The following MSN variants were observed in gnomAD, a reference collection of about 807,000 sequenced individuals.
MSN encodes moesin, also known as epididymis luminal protein 70.
In MSN, 2 loss-of-function variants were observed where a neutral mutation model predicts 48.0. The observed-to-expected ratio is 0.04, with a 90% CI of 0.02 to 0.13. The LOEUF is 0.13. Ranked by LOEUF, MSN falls within the 10% of genes least tolerant of loss-of-function variation. MSN has a pLI of 1.00. For missense variants in MSN, 267 were observed against 470.1 expected, an observed-to-expected ratio of 0.57 and a Z score of 3.99; for synonymous variants, 146 against 166.9, an observed-to-expected ratio of 0.87 and a Z score of 0.97.
chrX:65,696,242 C>CACAT (rs1433176439), intron 1 of MSN, among the ~76,000 whole-genome samples: 23 of 111,138 alleles, frequency 2.1e-4, no homozygotes, highest in African/African-American at 6.9e-4. Flanking sequence ...CACACACACA[C>CACAT]ACACACACAC....
At chrX:65,679,107 C>A (rs908189702) in intron 1 of MSN, among the ~76,000 whole-genome samples, 4 of 111,490 alleles carry the variant, frequency 3.6e-5, no homozygotes, top group African/African-American at 9.8e-5. Context: ...GAGATTCTGG[C>A]TTGGAGAGAC....
At chrX:65,620,315 C>G (rs756897950) in intron 1 of MSN, among the ~76,000 whole-genome samples, 9 of 112,690 alleles carry the variant, frequency 8.0e-5, no homozygotes, top group Admixed American at 7.5e-4. Flanking sequence ...GCCTCGCTGC[C>G]GCCCCGCAGC....
At chrX:65,728,116 G>A (rs1359007724) in intron 3 of MSN, among the ~76,000 whole-genome samples, 1 of 111,414 alleles carries the variant, frequency 9.0e-6, no homozygotes, top group Non-Finnish European at 1.9e-5. Context: ...TTCTAACAGC[G>A]ACAATGGCCA....
At chrX:65,680,926 T>C (rs900489138) in intron 1 of MSN, among the ~76,000 whole-genome samples, 1 of 109,926 alleles carries the variant, frequency 9.1e-6, no homozygotes, top group East Asian at 2.9e-4. Context: ...TTTTTGTATT[T>C]TTTTAGTAGA....
intron 1 of MSN, among the ~76,000 whole-genome samples, chrX:65,713,708 A>C (rs1436342132): frequency 2.7e-5 from 3 of 112,056 alleles, no homozygotes; most frequent in Non-Finnish European, 5.6e-5. Flanking sequence ...TGTACAGATC[A>C]TTTTATCACC....
chrX:65,686,550 A>G (rs1464042443), intron 1 of MSN, among the ~76,000 whole-genome samples: 1 of 112,899 alleles, frequency 8.9e-6, no homozygotes, highest in African/African-American at 3.2e-5. Flanking sequence ...AGGAAATGAC[A>G]TTTTAAATAA....
At chrX:65,684,243 A>G (rs985713247) in intron 1 of MSN, among the ~76,000 whole-genome samples, 1 of 110,563 alleles carries the variant, frequency 9.0e-6, no homozygotes, top group African/African-American at 3.3e-5. Context: ...CGCCCAGCCC[A>G]TAGACTCTTT....
chrX:65,622,520 T>G (rs1178240743), intron 1 of MSN, among the ~76,000 whole-genome samples: 2 of 101,234 alleles, frequency 2.0e-5, no homozygotes, highest in Non-Finnish European at 4.0e-5. Context: ...GTTTTTTTTT[T>G]TTTTTTTTTT....
intron 1 of MSN, among the ~76,000 whole-genome samples, chrX:65,707,045 G>A (rs2071368743): frequency 8.9e-6 from 1 of 111,743 alleles, no homozygotes; most frequent in Non-Finnish European, 1.9e-5. Context: ...CCCTTTTGCT[G>A]TAGCTGGGCT....
chrX:65,620,901 G>A (rs1290925729), intron 1 of MSN, among the ~76,000 whole-genome samples: 7 of 103,288 alleles, frequency 6.8e-5, no homozygotes, highest in African/African-American at 1.8e-4. Context: ...TACAGTTTTA[G>A]GTCTTATATT....
intron 1 of MSN, among the ~76,000 whole-genome samples, chrX:65,604,702 G>A (rs773631098): frequency 1.1e-3 from 121 of 111,621 alleles, no homozygotes; most frequent in Non-Finnish European, 2.0e-3. Flanking sequence ...CAGAACCTGG[G>A]GATCACCTCT....
chrX:65,668,591 G>T (rs985321045), intron 1 of MSN, among the ~76,000 whole-genome samples: 10 of 111,360 alleles, frequency 9.0e-5, no homozygotes, highest in East Asian at 2.8e-4. Context: ...GTGTGGTGTG[G>T]GTTTTCTCGT....
At chrX:65,653,700 G>A (rs2070758862) in intron 1 of MSN, among the ~76,000 whole-genome samples, 2 of 109,762 alleles carry the variant, frequency 1.8e-5, no homozygotes, top group South Asian at 7.9e-4. Flanking sequence ...AGGCACATCT[G>A]GGGGCCCAGG....
chrX:65,628,063 G>A (rs1178942355), intron 1 of MSN, among the ~76,000 whole-genome samples: 1 of 112,516 alleles, frequency 8.9e-6, no homozygotes, highest in African/African-American at 3.2e-5. Context: ...TTGTGGCTTT[G>A]CAGGGTACAG....
intron 1 of MSN, among the ~76,000 whole-genome samples, chrX:65,669,201 G>T (rs1425571083): frequency 7.2e-5 from 8 of 110,920 alleles, no homozygotes; most frequent in Non-Finnish European, 1.5e-4. Context: ...CCTAGTCCCC[G>T]CCCCCAAAGA....
chrX:65,598,821 TC>T (rs1235719103), intron 1 of MSN, among the ~76,000 whole-genome samples: 1 of 111,915 alleles, frequency 8.9e-6, no homozygotes, highest in Non-Finnish European at 1.9e-5. Context: ...TTTGCCCTCT[TC>T]CCCCATCAGC....
Position 65,617,046 on chromosome X carries a change from A to C in MSN, c.-22+28434A>C, listed in dbSNP as rs12688936. On this transcript the variant is annotated intron_variant, in intron 1 of 3. Coordinates refer to the MSN transcript ENST00000609672. ...ATATATTGAACCAGCCTTGCCTCCC[A>C]GGGATGAAGCCCACTTGATCATGGT... Among the ~76,000 whole-genome samples, 1,894 of 107,936 alleles carry C rather than the reference A, an allele frequency of 0.018. 98 individuals are homozygous for C. The East Asian group carries it at 0.18, about 10-fold the overall frequency. The allele number at this position is 107,936 out of a possible 115,157, so 93.7% of individuals were successfully genotyped here.
rs773831803 is a variant in MSN, at chrX:65,733,237, A to C, written c.752A>C (p.Asn251Thr). The change falls in exon 7 of 13, where the codon AAT (asparagine) becomes ACT (threonine). Residue 251 changes from asparagine (N) to threonine (T), a missense_variant. Physicochemically the swap from Asn to Thr is moderately conservative, Grantham distance 65. Around this residue, in one of 5 missense-constraint regions of MSN, gnomAD observed 58 missense variants for 104.6 expected, o/e 0.55. Transcript: ENST00000360270. ...PWSEIRNISFNDKKFVIKPID... is the reference protein window; with the variant it reads ...PWSEIRNISFTDKKFVIKPID... ...AGTGAAATCAGGAACATCTCTTTCA[A>C]TGATAAGAAATTTGTCATCAAGCCC... 1 of 1,211,230 alleles carries C rather than the reference A, an allele frequency of 8.3e-7. No homozygotes were observed. The highest frequency in any genetic ancestry group is 1.1e-6 in the Non-Finnish European group (1 of 895,203).
chrX:65,625,619 T>C (rs1033626750), intron 1 of MSN: 1 of 112,119 alleles, frequency 8.9e-6, no homozygotes, highest in Non-Finnish European at 1.9e-5. Flanking sequence ...GAATGCTTTT[T>C]CTCCATCCTT....
Sources: gnomAD v4.1 joint callset for allele counts (sites outside exome capture counted in the v4.1 genomes callset) on GRCh38, gnomAD v4.1.1 for gene constraint, gnomAD v4.1.1 regional missense constraint, MANE v1.5 for transcripts, NCBI Gene and HGNC (gene_info 2026-07-23, HGNC 2026-07-21) for gene names.